Variants in PIK3CD observed in about 807,000 individuals in gnomAD.
The protein encoded by PIK3CD is phosphatidylinositol 4,5-bisphosphate 3-kinase catalytic subunit delta isoform.
PIK3CD carries 20 observed loss-of-function variants against 122.9 expected under a neutral mutation model. The observed-to-expected ratio is 0.16, with a 90% CI of 0.11 to 0.24. The LOEUF (loss-of-function observed/expected upper bound fraction) is 0.24, where lower values mean the gene tolerates loss of function less well. Ranked by LOEUF, PIK3CD falls within the 10% of genes least tolerant of loss-of-function variation. The probability of loss-of-function intolerance (pLI) is 1.00; values close to 1 mark genes in which losing one functional copy is unlikely to be tolerated. For synonymous variants in PIK3CD, 596 were observed against 593.4 expected (o/e 1.00, Z -0.06); for missense variants, 787 against 1,406.3 (o/e 0.56, Z 7.04).
In PIK3CD at chr1:9,720,177, G is replaced by A. The variant is rs1397404017; in HGVS notation, c.1405G>A (p.Ala469Thr). The change falls in exon 11 of 24, where the codon GCT (alanine) becomes ACT (threonine). Residue 469 changes from alanine (A) to threonine (T), a missense_variant. Physicochemically the swap from Ala to Thr is moderately conservative, Grantham distance 58. This residue lies in a region of PIK3CD where 592 missense variants were observed against 920.6 expected (regional missense o/e 0.64). Transcript: ENST00000377346. This position sits in a 1 kb window ranked among gnomAD's most constrained non-coding sequence, Gnocchi z 9.0. ...CAGTAACCCCAACACGGATAGCGCC[G>A]CTGCCCTGCTCATCTGCCTGCCCGA... ...VRSNPNTDSA[A>T]ALLICLPEVA... The A allele has an allele frequency of 6.2e-7, 1 of 1,612,656 alleles. No homozygotes were observed. Among genetic ancestry groups the A allele is most frequent in the Non-Finnish European group, 8.5e-7 (1 of 1,179,680 alleles).
At position 9,715,821 on chromosome 1, in the gene PIK3CD, C is replaced by A. The variant is rs753981383; in HGVS notation, c.371-28C>A. 5 of 1,610,126 alleles carry A rather than the reference C, an allele frequency of 3.1e-6. No homozygotes were observed. The highest frequency in any genetic ancestry group is 4.2e-6 in the Non-Finnish European group (5 of 1,177,848). On this transcript the variant is annotated intron_variant, in intron 4 of 23. Transcript: ENST00000377346. The surrounding 1 kb of genome is among the most constrained non-coding windows in gnomAD (Gnocchi z 4.1). Reference sequence around the variant, plus strand: ...CCGGGCTGGCCCTGCCTGCCCCACCCGCTGACCCAGCCCTCCCCACCCCGC... The same window carrying A: ...CCGGGCTGGCCCTGCCTGCCCCACCAGCTGACCCAGCCCTCCCCACCCCGC...
intron 1 of PIK3CD, among the ~76,000 whole-genome samples, chr1:9,659,586 T>C (rs1430628729): frequency 3.3e-5 from 5 of 152,194 alleles, no homozygotes; most frequent in Non-Finnish European, 5.9e-5. Flanking sequence ...CTCTGTGCTT[T>C]TGACAACTCT....
chr1:9,721,073 A>G, intron 13 of PIK3CD, 54 bp from the exon 14 acceptor site: 2 of 1,507,986 alleles, frequency 1.3e-6, no homozygotes, highest in Non-Finnish European at 1.8e-6. Flanking sequence ...CCTTACCCTG[A>G]CCACCTCCAC....
intron 1 of PIK3CD, chr1:9,654,142 T>A: frequency 7.9e-7 from 1 of 1,263,570 alleles, no homozygotes; most frequent in East Asian, 5.1e-5. Flanking sequence ...TGAGCCCCAC[T>A]TCCCCCGCCC....
At chr1:9,648,376 G>A (rs530730100), upstream of PIK3CD, among the ~76,000 whole-genome samples, 1 of 152,314 alleles carries the variant, frequency 6.6e-6, no homozygotes, top group East Asian at 1.9e-4. Flanking sequence ...ATTCAATGAA[G>A]AATTCCTTTG....
the PIK3CD span, among the ~76,000 whole-genome samples, chr1:9,644,281 G>C: frequency 6.6e-6 from 1 of 152,088 alleles, no homozygotes; most frequent in Non-Finnish European, 1.5e-5. Context: ...TGGGGGGCTT[G>C]AGTCAGGAGG....
In PIK3CD at chr1:9,710,682, CAGAT is replaced by C; in HGVS notation, c.141+87_141+90del. 4 of 1,445,878 alleles carry C rather than the reference CAGAT, an allele frequency of 2.8e-6. No homozygotes were observed. In the South Asian group the frequency reaches 4.6e-5, roughly 17 times the overall value. 89.6% of individuals were successfully genotyped at this position (1,445,878 alleles called of 1,614,324 possible). A position where few individuals can be genotyped will look rare whatever the true frequency, so the allele number is the denominator to read the frequency against. ...ACAGATAGACAGACAGACAGACAGA[CAGAT>C]GGACAGGTGGACAGACGGACAGACA... On this transcript the variant is annotated intron_variant, in intron 3 of 23. Transcript: ENST00000377346. This position sits in a 1 kb window ranked among gnomAD's most constrained non-coding sequence, Gnocchi z 4.7.
chr1:9,691,392 G>C (rs1016171925), intron 1 of PIK3CD, 75 bp from the exon 2 acceptor site: 1 of 396,292 alleles, frequency 2.5e-6, no homozygotes, highest in South Asian at 1.3e-4. Context: ...CGTCCTGTAA[G>C]AGAATGCACA....
intron 2 of PIK3CD, among the ~76,000 whole-genome samples, chr1:9,693,374 G>A (rs573238751): frequency 6.6e-5 from 10 of 151,172 alleles, no homozygotes; most frequent in South Asian, 2.1e-4. Context: ...ACAGGTGTGC[G>A]CCACCATGCC....
intron 2 of PIK3CD, among the ~76,000 whole-genome samples, chr1:9,698,173 G>A (rs999442221): frequency 5.3e-5 from 8 of 151,414 alleles, no homozygotes; most frequent in Admixed American, 1.3e-4. Flanking sequence ...ACGGAGTTTC[G>A]CTCTTGTTGC....
intron 1 of PIK3CD, among the ~76,000 whole-genome samples, chr1:9,663,813 T>C (rs1645079210): frequency 7.0e-6 from 1 of 142,412 alleles, no homozygotes. Flanking sequence ...AATTCCCACC[T>C]ATGAGTGAGA....
In PIK3CD at chr1:9,715,675, G is replaced by A; in HGVS notation, c.276G>A (p.Val92=). ...LEDEQRRLCD[V]QPFLPVLRLV... ...ACGAGCAACGGCGTCTGTGTGACGT[G>A]CAGCCCTTCCTGCCCGTCCTGCGCC... Residue 92 remains valine, a synonymous_variant, in exon 4 of 24, where the codon GTG becomes GTA. Coordinates refer to ENST00000377346, the MANE Select transcript of PIK3CD (RefSeq NM_005026.5). This position sits in a 1 kb window ranked among gnomAD's most constrained non-coding sequence, Gnocchi z 4.1. 1.2e-6 allele frequency: 2 copies of A among 1,613,736 alleles called. No homozygotes were observed. The highest frequency in any genetic ancestry group is 1.7e-6 in the Non-Finnish European group (2 of 1,180,030).
chr1:9,637,923 G>T, the PIK3CD span, among the ~76,000 whole-genome samples: 1 of 151,978 alleles, frequency 6.6e-6, no homozygotes, highest in African/African-American at 2.4e-5. Context: ...GGCCAACATG[G>T]TGAAACCCTG....
intron 2 of PIK3CD, among the ~76,000 whole-genome samples, chr1:9,708,026 C>T (rs1030002190): frequency 5.9e-5 from 9 of 151,900 alleles, no homozygotes; most frequent in South Asian, 4.1e-4. Flanking sequence ...GATCTCCTGA[C>T]CTCGTGATCC....
chr1:9,680,229 G>A (rs751559117), intron 1 of PIK3CD, among the ~76,000 whole-genome samples: 7 of 147,266 alleles, frequency 4.8e-5, no homozygotes, highest in Non-Finnish European at 1.0e-4. Context: ...TCCCACCTCG[G>A]CCTCCCAAAG....
Position 9,661,630 on chromosome 1 carries a change from G to A in PIK3CD, c.-138+9828G>A, listed in dbSNP as rs772879792. On this transcript the variant is annotated intron_variant, in intron 1 of 23. Coordinates refer to ENST00000377346, the MANE Select transcript of PIK3CD (RefSeq NM_005026.5). ...AATCCCAGCACTTTTGGAGGCCAAG[G>A]CGGGTGGATCACTTAGGATCAGGAG... 1.7e-3 allele frequency among the ~76,000 whole-genome samples: 255 copies of A among 152,186 alleles called. 3 individuals are homozygous for A. Among genetic ancestry groups the A allele is most frequent in the Non-Finnish European group, 2.2e-3 (150 of 68,004 alleles).
intron 1 of PIK3CD, among the ~76,000 whole-genome samples, chr1:9,657,470 G>A (rs978974804): frequency 6.6e-6 from 1 of 152,044 alleles, no homozygotes; most frequent in Non-Finnish European, 1.5e-5. Context: ...AGGCAAAGAT[G>A]TCAGAGTCCC....
At chr1:9,698,822 G>A (rs1646516028) in intron 2 of PIK3CD, among the ~76,000 whole-genome samples, 1 of 152,142 alleles carries the variant, frequency 6.6e-6, no homozygotes, top group Non-Finnish European at 1.5e-5. Context: ...GGATGATGAT[G>A]AGATGGTGGG....
intron 1 of PIK3CD, among the ~76,000 whole-genome samples, chr1:9,659,668 C>T (rs1644956188): frequency 6.6e-6 from 1 of 152,178 alleles, no homozygotes; most frequent in Non-Finnish European, 1.5e-5. Flanking sequence ...TAGCATGTTT[C>T]TTGAAGCTTA....
Sources: allele counts gnomAD v4.1 joint callset (sites outside exome capture counted in the v4.1 genomes callset), GRCh38; gene constraint gnomAD v4.1.1; regional missense constraint gnomAD v4.1.1; non-coding constraint Gnocchi (gnomAD v3.1); transcripts MANE v1.5; gene names NCBI Gene and HGNC (gene_info 2026-07-23, HGNC 2026-07-21).